The following TMEM26 variants were observed in gnomAD, a reference collection of about 807,000 sequenced individuals.
The protein encoded by TMEM26 is transmembrane protein 26.
A neutral mutation model predicts 28.8 loss-of-function variants in TMEM26; 38 were observed. The ratio of observed to expected loss-of-function variants is 1.32; its 90% CI spans 1.02 to 1.73. TMEM26 has a LOEUF of 1.73. Ranked by LOEUF, TMEM26 falls within the 40% of genes most tolerant of loss-of-function variation. The pLI is 0.00. For missense variants in TMEM26, 518 were observed against 447.1 expected (o/e 1.16, Z -1.43); for synonymous variants, 227 against 182.9 (o/e 1.24, Z -1.95).
Position 61,408,969 on chromosome 10 carries a change from A to G in TMEM26, c.*1353T>C, listed in dbSNP as rs575492701. Reference sequence around the variant, plus strand: ...CAACTGGTTGTCAATAAGTCATACCAAATTAAGGGCATACCCCACCTTAAA... The same window carrying G: ...CAACTGGTTGTCAATAAGTCATACCGAATTAAGGGCATACCCCACCTTAAA... On this transcript the variant is annotated 3_prime_UTR_variant, in exon 6 of 6. Coordinates refer to ENST00000399298, the MANE Select transcript of TMEM26 (RefSeq NM_178505.8). The G allele has an allele frequency of 4.8e-4, 73 of 152,316 alleles. No individual in the cohort carries two copies. The highest frequency in any genetic ancestry group is 1.7e-3 in the African/African-American group (69 of 41,582). 9.4% of individuals were successfully genotyped at this position (152,316 alleles called of 1,614,324 possible).
At position 61,410,020 on chromosome 10, in the gene TMEM26, C is replaced by G. The variant is rs913577026; in HGVS notation, c.*302G>C. 1 of 331,046 alleles carries G rather than the reference C, an allele frequency of 3.0e-6. No homozygotes were observed. The highest frequency in any genetic ancestry group is 5.5e-6 in the Non-Finnish European group (1 of 181,318). The allele number at this position is 331,046 out of a possible 1,614,324, so 20.5% of individuals were successfully genotyped here. A position where few individuals can be genotyped will look rare whatever the true frequency, so the allele number is the denominator to read the frequency against. On this transcript the variant is annotated 3_prime_UTR_variant, in exon 6 of 6. Transcript: ENST00000399298. ...GACAGTTGGTCTGCACCAAATCTTTCGAGGGCATGTCACTGTAACCTCTTC... is the reference window on the plus strand; with the variant it reads ...GACAGTTGGTCTGCACCAAATCTTTGGAGGGCATGTCACTGTAACCTCTTC...
chr10:61,434,272 T>G lies in TMEM26; in HGVS notation c.270+1898A>C, dbSNP rs974614968. Among the ~76,000 whole-genome samples, 6 of 152,194 alleles carry G rather than the reference T, an allele frequency of 3.9e-5. No homozygotes were observed. The South Asian group carries it at 1.2e-3, about 31-fold the overall frequency. ...CCATTACTACTAAAGGTTCAGTTTC[T>G]TTTGTAGTTTGAAAATTAGAGAGCT... is the stretch of plus-strand genomic sequence containing the variant. On this transcript the variant is annotated intron_variant, in intron 2 of 5. Coordinates refer to ENST00000399298, the MANE Select transcript of TMEM26 (RefSeq NM_178505.8).
chr10:61,411,972 T>C (rs1372798235), intron 5 of TMEM26, among the ~76,000 whole-genome samples: 1 of 152,162 alleles, frequency 6.6e-6, no homozygotes, highest in Non-Finnish European at 1.5e-5. Context: ...CCCCTGAAAG[T>C]TTACAAAATG....
chr10:61,434,808 T>C (rs1190661135), intron 2 of TMEM26, among the ~76,000 whole-genome samples: 1 of 152,196 alleles, frequency 6.6e-6, no homozygotes, highest in Non-Finnish European at 1.5e-5. Flanking sequence ...GCAAGCCTTT[T>C]ACAGATAAGG....
At chr10:61,440,816 C>T (rs1316550832) in intron 1 of TMEM26, among the ~76,000 whole-genome samples, 3 of 152,322 alleles carry the variant, frequency 2.0e-5, no homozygotes, top group Non-Finnish European at 4.4e-5. Flanking sequence ...CTGTGCCTGT[C>T]TGCTCAAAAG....
At chr10:61,414,136 G>T in intron 4 of TMEM26, 1 of 763,102 alleles carries the variant, frequency 1.3e-6, no homozygotes, top group Non-Finnish European at 1.6e-6. Context: ...GTGCTTGATG[G>T]ATACAACATA....
At chr10:61,422,484 AAAC>A (rs1839765729) in intron 4 of TMEM26, among the ~76,000 whole-genome samples, 1 of 152,156 alleles carries the variant, frequency 6.6e-6, no homozygotes, top group African/African-American at 2.4e-5. Context: ...TTAAAGCAGA[AAAC>A]AACAACAGAA....
At chr10:61,452,340 A>G (rs1840299464) in intron 1 of TMEM26, among the ~76,000 whole-genome samples, 1 of 152,234 alleles carries the variant, frequency 6.6e-6, no homozygotes, top group South Asian at 2.1e-4. Flanking sequence ...GCGCTGTGCT[A>G]GAGAACGCGC....
chr10:61,410,366 G>A lies in TMEM26; in HGVS notation c.1063C>T (p.Arg355Trp), dbSNP rs1300084031. The change falls in exon 6 of 6, where the codon CGG becomes TGG. Residue 355 changes from arginine (R) to tryptophan (W), a missense_variant. Coordinates refer to ENST00000399298, the MANE Select transcript of TMEM26 (RefSeq NM_178505.8). ...TCGTCGGAGGTGACTGGGGAGCCCC[G>A]CAAAGGAATAGCCAGGCCCTCCTTA... ...ESKEGLAIPL[R>W]GSPVTSDDSH... 2.5e-6 allele frequency: 4 copies of A among 1,613,894 alleles called. No individual in the cohort carries two copies. The highest frequency in any genetic ancestry group is 2.2e-5 in the South Asian group (2 of 91,064).
intron 3 of TMEM26, 86 bp from the exon 4 acceptor site, chr10:61,429,232 G>C: frequency 8.6e-7 from 1 of 1,160,206 alleles, no homozygotes; most frequent in Non-Finnish European, 1.2e-6. Flanking sequence ...TCAATCAAGA[G>C]TTTGCTTTTG....
chr10:61,435,747 T>C (rs1202631557), intron 2 of TMEM26, among the ~76,000 whole-genome samples: 1 of 152,248 alleles, frequency 6.6e-6, no homozygotes, highest in Non-Finnish European at 1.5e-5. Context: ...GTTTTGTTTT[T>C]GTTTTTGAAA....
chr10:61,420,206 T>A (rs550970402), intron 4 of TMEM26, among the ~76,000 whole-genome samples: 3 of 152,070 alleles, frequency 2.0e-5, no homozygotes, highest in Non-Finnish European at 4.4e-5. Context: ...TAGAAAATCA[T>A]AAGGAAGAAA....
intron 1 of TMEM26, 99 bp from the exon 2 acceptor site, chr10:61,436,347 G>T (rs1209493916): frequency 3.1e-6 from 2 of 650,370 alleles, no homozygotes; most frequent in Non-Finnish European, 5.2e-6. Context: ...CACATACTCC[G>T]ACCACATTGA....
intron 4 of TMEM26, chr10:61,413,913 A>C (rs1043450960): frequency 1.7e-4 from 172 of 989,034 alleles, no homozygotes; most frequent in Non-Finnish European, 2.0e-4. Context: ...ATTAATAATT[A>C]TTCTAAGAAA....
At chr10:61,418,086 G>T (rs1302457164) in intron 4 of TMEM26, among the ~76,000 whole-genome samples, 2 of 151,466 alleles carry the variant, frequency 1.3e-5, no homozygotes, top group African/African-American at 4.9e-5. Flanking sequence ...TTTTTTAATT[G>T]TACTGAATGA....
At chr10:61,412,850 C>G (rs755585757) in intron 5 of TMEM26, 15 of 880,482 alleles carry the variant, frequency 1.7e-5, no homozygotes, top group Non-Finnish European at 2.2e-5. Context: ...TAGATTATTG[C>G]TAGTATAAAA....
chr10:61,426,268 AG>A (rs1237232580), intron 4 of TMEM26, among the ~76,000 whole-genome samples: 3 of 152,172 alleles, frequency 2.0e-5, no homozygotes, highest in Non-Finnish European at 2.9e-5. Flanking sequence ...TTGCCTGTTA[AG>A]AGTGAAGACT....
intron 4 of TMEM26, chr10:61,414,557 T>C (rs906482433): frequency 2.0e-5 from 3 of 152,074 alleles, no homozygotes; most frequent in African/African-American, 7.2e-5. Context: ...ACCATCATTA[T>C]CTGTCTTGGC....
rs1160230617 is a variant in TMEM26 at position 61,407,851 on chromosome 10, T to C, written c.*2471A>G. 6.6e-6 allele frequency: 1 copy of C among 152,130 alleles called. No individual in the cohort carries two copies. The highest frequency in any genetic ancestry group is 6.6e-5 in the Admixed American group (1 of 15,264). 9.4% of individuals were successfully genotyped at this position (152,130 alleles called of 1,614,324 possible). A position where few individuals can be genotyped will look rare whatever the true frequency, so the allele number is the denominator to read the frequency against. ...CAGGTGTTGTGAGTCAGTTATCTTA[T>C]TACAGATAAAATGTAAACAAGTCCC... is the stretch of plus-strand genomic sequence containing the variant. On this transcript the variant is annotated 3_prime_UTR_variant, in exon 6 of 6. Coordinates refer to ENST00000399298, the MANE Select transcript of TMEM26 (RefSeq NM_178505.8).
Sources: gnomAD v4.1 joint callset for allele counts (sites outside exome capture counted in the v4.1 genomes callset) on GRCh38, gnomAD v4.1.1 for gene constraint, MANE v1.5 for transcripts, NCBI Gene and HGNC (gene_info 2026-07-23, HGNC 2026-07-21) for gene names.